PDS5A: variants seen among roughly 807,000 people sequenced by gnomAD.
PDS5A encodes the protein PDS5 cohesin associated factor A.
PDS5A carries 42 observed loss-of-function variants against 167.1 expected under a neutral mutation model. That is an observed-to-expected ratio of 0.25 (90% CI 0.20 to 0.33). The LOEUF (loss-of-function observed/expected upper bound fraction) is 0.33, where lower values mean the gene tolerates loss of function less well. PDS5A is among the 10% of genes least tolerant of loss of function. The pLI, the probability that PDS5A is intolerant of heterozygous loss-of-function variation, is 1.00. For missense variants in PDS5A, 1,033 were observed against 1,605.9 expected, an observed-to-expected ratio of 0.64 and a Z score of 6.10; for synonymous variants, 553 against 554.6, an observed-to-expected ratio of 1.00 and a Z score of 0.04.
intron 31 of PDS5A, among the ~76,000 whole-genome samples, chr4:39,841,078 T>A (rs913346268): frequency 3.9e-5 from 6 of 152,004 alleles, no homozygotes; most frequent in African/African-American, 1.4e-4. Flanking sequence ...AAAAACACAG[T>A]AGAAACAAAG....
intron 5 of PDS5A, among the ~76,000 whole-genome samples, chr4:39,923,557 G>A (rs1485068710): frequency 6.6e-6 from 1 of 150,690 alleles, no homozygotes; most frequent in Non-Finnish European, 1.5e-5. Flanking sequence ...GATCACTGGA[G>A]CCCAGGAGGT....
chr4:39,945,641 G>A (rs1727684803), intron 2 of PDS5A, among the ~76,000 whole-genome samples: 1 of 151,884 alleles, frequency 6.6e-6, no homozygotes, highest in Non-Finnish European at 1.5e-5. Flanking sequence ...AAGTGATTAT[G>A]TTCCCAGGCA....
In PDS5A at chr4:39,872,679, T is replaced by C. The variant is rs149207159; in HGVS notation, c.2436+307A>G. On this transcript the variant is annotated intron_variant, in intron 21 of 32. Coordinates refer to ENST00000303538, the MANE Select transcript of PDS5A (RefSeq NM_001100399.2). ...AAACAAAAAACAAAAATAACCCAAT[T>C]CTAACATTCCAGAAAATGATAAACT... 10 of 173,846 alleles carry C rather than the reference T, an allele frequency of 5.8e-5. No individual in the cohort carries two copies. The East Asian group carries it at 1.5e-3, about 27-fold the overall frequency. 10.8% of individuals were successfully genotyped at this position (173,846 alleles called of 1,614,324 possible).
intron 30 of PDS5A, among the ~76,000 whole-genome samples, chr4:39,842,912 TATATATA>T: frequency 1.5e-5 from 1 of 68,530 alleles, no homozygotes; most frequent in African/African-American, 4.2e-5. Context: ...CCTATTTTTA[TATATATA>T]TATATATATA....
At chr4:39,949,710 CGGCTACGCAGGAG>C (rs1371768314) in intron 2 of PDS5A, among the ~76,000 whole-genome samples, 2 of 149,264 alleles carry the variant, frequency 1.3e-5, no homozygotes, top group Admixed American at 6.8e-5. Context: ...GGCGCACACC[CGGCTACGCAGGAG>C]GCTGGGGTGG....
intron 2 of PDS5A, among the ~76,000 whole-genome samples, chr4:39,975,756 G>A (rs574370523): frequency 6.7e-6 from 1 of 148,162 alleles, no homozygotes; most frequent in East Asian, 1.9e-4. Context: ...GTTCCTACAA[G>A]AAGAATATTA....
At chr4:39,964,083 T>A (rs1560523461) in intron 2 of PDS5A, among the ~76,000 whole-genome samples, 3 of 146,800 alleles carry the variant, frequency 2.0e-5, no homozygotes, top group South Asian at 2.2e-4. Flanking sequence ...TTTAACTAAC[T>A]AACAAACATG....
intron 17 of PDS5A, among the ~76,000 whole-genome samples, chr4:39,880,633 T>C (rs1720850603): frequency 2.0e-5 from 3 of 152,134 alleles, no homozygotes; most frequent in Admixed American, 2.0e-4. Context: ...AAGTACCAAA[T>C]ATGCATAGGA....
chr4:39,876,370 A>G (rs959039118), intron 19 of PDS5A, among the ~76,000 whole-genome samples: 1 of 152,204 alleles, frequency 6.6e-6, no homozygotes, highest in African/African-American at 2.4e-5. Flanking sequence ...TAGCTCACAA[A>G]TTTAATAAAA....
chr4:39,906,917 T>TAAAAAAAAAA (rs1191690836), intron 11 of PDS5A, among the ~76,000 whole-genome samples: 8 of 54,032 alleles, frequency 1.5e-4, no homozygotes, highest in Admixed American at 6.1e-4. Context: ...ATTTCTTACA[T>TAAAAAAAAAA]AAAAAAAAAA....
intron 2 of PDS5A, chr4:39,974,281 A>C: frequency 1.9e-6 from 1 of 539,912 alleles, no homozygotes; most frequent in Non-Finnish European, 3.8e-6. Context: ...ATACTATGAG[A>C]CCAGCTTCTT....
intron 16 of PDS5A, among the ~76,000 whole-genome samples, chr4:39,895,051 C>A (rs1340998427): frequency 6.6e-6 from 1 of 151,924 alleles, no homozygotes; most frequent in East Asian, 1.9e-4. Flanking sequence ...CATGGTGAAA[C>A]CGCGTCTCTA....
intron 7 of PDS5A, among the ~76,000 whole-genome samples, chr4:39,920,090 C>T (rs941661076): frequency 6.6e-6 from 1 of 152,000 alleles, no homozygotes; most frequent in African/African-American, 2.4e-5. Flanking sequence ...AACATAAATA[C>T]AAATGCAGAT....
At chr4:39,934,958 T>G (rs1352684929) in intron 2 of PDS5A, among the ~76,000 whole-genome samples, 1 of 152,182 alleles carries the variant, frequency 6.6e-6, no homozygotes, top group East Asian at 1.9e-4. Context: ...AAATATTTTC[T>G]CCCAGTCTGA....
intron 4 of PDS5A, 50 bp from the exon 5 acceptor site, chr4:39,925,983 T>C: frequency 1.8e-6 from 1 of 547,906 alleles, no homozygotes; most frequent in Non-Finnish European, 2.9e-6. Context: ...ACAGAATAGT[T>C]ATATAATAAA....
intron 2 of PDS5A, among the ~76,000 whole-genome samples, chr4:39,941,754 T>C (rs1234946525): frequency 6.6e-6 from 1 of 152,142 alleles, no homozygotes; most frequent in Non-Finnish European, 1.5e-5. Context: ...AGATGGTAAA[T>C]TCCTTTTAAG....
At chr4:39,828,056 A>G (rs1017153183) in intron 32 of PDS5A, among the ~76,000 whole-genome samples, 2 of 152,184 alleles carry the variant, frequency 1.3e-5, no homozygotes, top group African/African-American at 4.8e-5. Flanking sequence ...GAGACCCAAC[A>G]CTAATGTCCA....
intron 26 of PDS5A, among the ~76,000 whole-genome samples, chr4:39,861,566 T>C (rs1231311944): frequency 1.3e-5 from 2 of 152,120 alleles, no homozygotes; most frequent in Non-Finnish European, 2.9e-5. Flanking sequence ...TAGTTAACAA[T>C]AATTTATTTG....
intron 20 of PDS5A, among the ~76,000 whole-genome samples, chr4:39,874,042 T>A (rs1026847919): frequency 4.6e-5 from 7 of 152,066 alleles, no homozygotes; most frequent in Admixed American, 2.0e-4. Context: ...AAACTTTATC[T>A]CAAAAACAAA....
Sources: allele counts gnomAD v4.1 joint callset (sites outside exome capture counted in the v4.1 genomes callset), GRCh38; gene constraint gnomAD v4.1.1; transcripts MANE v1.5; gene names NCBI Gene and HGNC (gene_info 2026-07-23, HGNC 2026-07-21).